RIPOR3: variants seen among roughly 807,000 people sequenced by gnomAD.
RIPOR3 encodes the protein family with sequence similarity 65 member C.
RIPOR3 carries 95 observed loss-of-function variants against 114.3 expected under a neutral mutation model. The observed-to-expected ratio is 0.83, with a 90% CI of 0.70 to 0.99. The LOEUF (loss-of-function observed/expected upper bound fraction) is 0.99, where lower values mean the gene tolerates loss of function less well. Among genes scored for constraint, RIPOR3 ranks in the 50% least tolerant of loss-of-function variants. The pLI is 0.00. For synonymous variants in RIPOR3, 575 were observed against 543.8 expected, an observed-to-expected ratio of 1.06 and a Z score of -0.80; for missense variants, 1,252 against 1,266.9, an observed-to-expected ratio of 0.99 and a Z score of 0.18.
chr20:50,682,673 T>C (rs2086897347), intron 1 of RIPOR3, among the ~76,000 whole-genome samples: 1 of 133,062 alleles, frequency 7.5e-6, no homozygotes, highest in South Asian at 2.4e-4. Context: ...TTACGTAAAG[T>C]TCAAACAGCA....
chr20:50,651,164 G>A (rs2085590270), intron 1 of RIPOR3, among the ~76,000 whole-genome samples: 2 of 152,198 alleles, frequency 1.3e-5, no homozygotes, highest in East Asian at 1.9e-4. Flanking sequence ...ATTTTCCATT[G>A]CAGGCTTTGG....
In RIPOR3 at chr20:50,587,327, T is replaced by C; in HGVS notation, c.2758A>G (p.Lys920Glu). Residue 920 changes from lysine to glutamate, a missense_variant, in exon 22 of 22, where the codon AAA (lysine) becomes GAA (glutamate). Lys to Glu is a moderately conservative substitution (Grantham distance 56, BLOSUM62 1). Coordinates refer to ENST00000327979, the MANE Select transcript of RIPOR3 (RefSeq NM_001290268.2). ...ARETTLSFGE[K>E]GRLAFEKMDK... The stretch of plus-strand genomic sequence containing the variant: ...ATCTTCTCAAAAGCTAACCGTCCTT[T>C]TTCACCTGAAATAGCAAAGGGACCT... 1 of 1,614,000 alleles carries C rather than the reference T, an allele frequency of 6.2e-7. No homozygotes were observed. Among genetic ancestry groups the C allele is most frequent in the Non-Finnish European group, 8.5e-7 (1 of 1,180,004 alleles).
chr20:50,668,191 C>A (rs985580580), intron 1 of RIPOR3, among the ~76,000 whole-genome samples: 1 of 152,168 alleles, frequency 6.6e-6, no homozygotes, highest in African/African-American at 2.4e-5. Flanking sequence ...CTCTTTTTCG[C>A]TGTGCACAGG....
chr20:50,611,809 C>G (rs2083988862), intron 4 of RIPOR3, among the ~76,000 whole-genome samples: 1 of 152,134 alleles, frequency 6.6e-6, no homozygotes, highest in Non-Finnish European at 1.5e-5. Flanking sequence ...GCCACGGCGC[C>G]CCATGCCAAG....
In RIPOR3 at chr20:50,602,376, G is replaced by A. The variant is rs2083531594; in HGVS notation, c.1355C>T (p.Pro452Leu). Residue 452 changes from proline to leucine, a missense_variant, in exon 13 of 22, where the codon CCC (proline) becomes CTC (leucine). Coordinates refer to ENST00000327979, the MANE Select transcript of RIPOR3 (RefSeq NM_001290268.2). This position sits in a 1 kb window ranked among gnomAD's most constrained non-coding sequence, Gnocchi z 4.3. ...IEEEAREDPL[P>L]PGLLPEMAHL... ...GGCCATCTCTGGCAGGAGACCTGGG[G>A]GCAGGGGGTCCTCCCGAGCCTCCTC... The A allele has an allele frequency of 6.2e-7, 1 of 1,613,384 alleles. No homozygotes were observed. The highest frequency in any genetic ancestry group is 2.2e-5 in the East Asian group (1 of 44,872).
At chr20:50,671,422 GCGCGCGCACACA>G (rs1197648662) in intron 1 of RIPOR3, among the ~76,000 whole-genome samples, 6 of 18,886 alleles carry the variant, frequency 3.2e-4, no homozygotes, top group Admixed American at 8.0e-4. Flanking sequence ...GCGTGCACGC[GCGCGCGCACACA>G]CACACACACA....
At chr20:50,608,589 C>T in intron 10 of RIPOR3, 24 bp downstream of exon 10, 1 of 1,613,844 alleles carries the variant, frequency 6.2e-7, no homozygotes, top group Non-Finnish European at 8.5e-7. Flanking sequence ...GCACCCCAGC[C>T]CTGCCCCCGG....
intron 1 of RIPOR3, among the ~76,000 whole-genome samples, chr20:50,641,197 C>T (rs1368301871): frequency 1.3e-5 from 2 of 151,898 alleles, no homozygotes; most frequent in African/African-American, 4.8e-5. Flanking sequence ...AGGCGTGAGC[C>T]ACCACGTCCG....
chr20:50,685,819 C>CAA (rs541595639), intron 1 of RIPOR3, among the ~76,000 whole-genome samples: 1,657 of 112,416 alleles, frequency 0.015, 54 homozygotes, highest in African/African-American at 0.04. Flanking sequence ...GACTCTGTCT[C>CAA]AAAAAAAAAA....
chr20:50,597,979 A>G (rs955083422), intron 13 of RIPOR3, among the ~76,000 whole-genome samples: 2 of 152,180 alleles, frequency 1.3e-5, no homozygotes, highest in Non-Finnish European at 2.9e-5. Flanking sequence ...TATCTCAGAC[A>G]CCCACGGGGA....
intron 1 of RIPOR3, among the ~76,000 whole-genome samples, chr20:50,634,455 T>C (rs774442304): frequency 2.4e-4 from 37 of 152,228 alleles, no homozygotes; most frequent in Middle Eastern, 6.8e-3. Context: ...TTCCTCTGGA[T>C]GCCCCTGACC....
At chr20:50,644,154 G>A (rs1268440582) in intron 1 of RIPOR3, among the ~76,000 whole-genome samples, 1 of 151,896 alleles carries the variant, frequency 6.6e-6, no homozygotes, top group African/African-American at 2.4e-5. Flanking sequence ...AAATAAAAAT[G>A]TCCCTTAGTT....
At chr20:50,670,794 T>G (rs2086450707) in intron 1 of RIPOR3, among the ~76,000 whole-genome samples, 1 of 152,216 alleles carries the variant, frequency 6.6e-6, no homozygotes. Flanking sequence ...GTAGTTGGCT[T>G]CCTCTGGAAG....
intron 2 of RIPOR3, among the ~76,000 whole-genome samples, chr20:50,629,069 G>T (rs114638436): frequency 6.6e-6 from 1 of 152,162 alleles, no homozygotes; most frequent in Non-Finnish European, 1.5e-5. Flanking sequence ...GTGGAGGAGT[G>T]GGGTAGGAGC....
chr20:50,611,870 T>G (rs1454555284), intron 4 of RIPOR3, among the ~76,000 whole-genome samples: 1 of 152,106 alleles, frequency 6.6e-6, no homozygotes, highest in Middle Eastern at 3.2e-3. Flanking sequence ...ACGCCTGTAA[T>G]CCCAGCACTT....
intron 1 of RIPOR3, among the ~76,000 whole-genome samples, chr20:50,680,352 C>T (rs1055978055): frequency 6.6e-6 from 1 of 152,186 alleles, no homozygotes; most frequent in South Asian, 2.1e-4. Flanking sequence ...CCGGGTTTCA[C>T]GGTTGGGGGT....
chr20:50,609,167 G>A (rs897383515), intron 8 of RIPOR3, 126 bp downstream of exon 8: 14 of 1,327,414 alleles, frequency 1.1e-5, no homozygotes, highest in African/African-American at 1.0e-4. Context: ...GAAGTCACAT[G>A]TCACATGGAT....
At chr20:50,647,771 C>T (rs188507143) in intron 1 of RIPOR3, among the ~76,000 whole-genome samples, 59 of 151,872 alleles carry the variant, frequency 3.9e-4, no homozygotes, top group African/African-American at 1.2e-3. Context: ...CATGAGCCAC[C>T]GCACCCGGCC....
At chr20:50,608,836 C>G (rs776865077) in intron 9 of RIPOR3, 76 bp downstream of exon 9, 73 of 1,611,360 alleles carry the variant, frequency 4.5e-5, no homozygotes, top group Middle Eastern at 3.3e-4. Flanking sequence ...CAGCTGCAAC[C>G]CTGGTTCCCA....
Sources: allele counts gnomAD v4.1 joint callset (sites outside exome capture counted in the v4.1 genomes callset), GRCh38; gene constraint gnomAD v4.1.1; non-coding constraint Gnocchi (gnomAD v3.1); transcripts MANE v1.5; gene names NCBI Gene and HGNC (gene_info 2026-07-23, HGNC 2026-07-21).